The following TMPRSS15 variants were observed in gnomAD, a reference collection of about 807,000 sequenced individuals.
TMPRSS15 encodes the protein transmembrane serine protease 15.
Under a neutral mutation model 125.3 loss-of-function variants are expected in TMPRSS15, and 128 were observed. The observed-to-expected ratio is 1.02, with a 90% CI of 0.89 to 1.18. The LOEUF (loss-of-function observed/expected upper bound fraction) is 1.18, where lower values mean the gene tolerates loss of function less well. TMPRSS15 is among the 50% of genes most tolerant of loss of function. TMPRSS15 has a pLI of 0.00. For missense variants in TMPRSS15, 1,283 were observed against 1,212.7 expected (o/e 1.06, Z -0.86); for synonymous variants, 446 against 423.2 (o/e 1.05, Z -0.66).
At chr21:18,344,162 G>T in intron 10 of TMPRSS15, 102 bp from the exon 11 acceptor site, 1 of 973,262 alleles carries the variant, frequency 1.0e-6, no homozygotes. Context: ...AAGAAGAAAG[G>T]TTAAGGAAAT....
chr21:18,413,316 C>T (rs112286382), intron 1 of TMPRSS15, among the ~76,000 whole-genome samples: 3,730 of 48,558 alleles, frequency 0.077, 186 homozygotes, highest in African/African-American at 0.2. Flanking sequence ...CTTTCTTTTC[C>T]TTCCTTCCTT....
intron 1 of TMPRSS15, among the ~76,000 whole-genome samples, chr21:18,434,791 C>A (rs1370364137): frequency 6.6e-6 from 1 of 151,946 alleles, no homozygotes; most frequent in East Asian, 1.9e-4. Context: ...TATTAAAAGG[C>A]ACTATTAGTT....
chr21:18,359,948 T>C, intron 7 of TMPRSS15, 85 bp from the exon 8 acceptor site: 1 of 703,056 alleles, frequency 1.4e-6, no homozygotes, highest in South Asian at 1.5e-5. Context: ...ATGTGTTTTC[T>C]TGTGGTGAAC....
At chr21:18,271,524 A>T (rs1474050261) in intron 24 of TMPRSS15, among the ~76,000 whole-genome samples, 1 of 152,030 alleles carries the variant, frequency 6.6e-6, no homozygotes, top group African/African-American at 2.4e-5. Context: ...GTCTGTTTCC[A>T]TTACTTCTTG....
chr21:18,315,277 T>C (rs1243593091), intron 16 of TMPRSS15, 21 bp from the exon 17 acceptor site: 5 of 1,581,018 alleles, frequency 3.2e-6, no homozygotes. Context: ...AGAATGTTTA[T>C]TGTATAGGAT....
intron 2 of TMPRSS15, 48 bp from the exon 3 acceptor site, chr21:18,397,994 A>G: frequency 7.4e-7 from 1 of 1,344,376 alleles, no homozygotes; most frequent in South Asian, 1.3e-5. Context: ...TTAGGATTTT[A>G]ACTTTTGTTG....
chr21:18,333,350 C>A (rs982593446), intron 13 of TMPRSS15, among the ~76,000 whole-genome samples: 2 of 152,260 alleles, frequency 1.3e-5, no homozygotes, highest in South Asian at 2.1e-4. Flanking sequence ...TAGTGCACAG[C>A]ACTTCCCTAA....
Position 18,277,912 on chromosome 21 carries a change from C to A in TMPRSS15, c.2764+1052G>T, listed in dbSNP as rs539274296. 2.6e-5 allele frequency among the ~76,000 whole-genome samples: 4 copies of A among 152,160 alleles called. No individual in the cohort carries two copies. The East Asian group carries it at 7.7e-4, about 29-fold the overall frequency. On this transcript the variant is annotated intron_variant, in intron 23 of 24. Transcript: ENST00000284885. ...TATTAGAAATTCCACAGCCAATGAG[C>A]CTTGTGGTTACATTTAGAGGGTATG...
intron 1 of TMPRSS15, among the ~76,000 whole-genome samples, chr21:18,455,155 C>T (rs1042723863): frequency 6.6e-6 from 1 of 152,090 alleles, no homozygotes; most frequent in African/African-American, 2.4e-5. Flanking sequence ...GTTTGCTTCC[C>T]CTTCCACCAT....
At chr21:18,390,108 T>C in intron 3 of TMPRSS15, among the ~76,000 whole-genome samples, 1 of 152,222 alleles carries the variant, frequency 6.6e-6, no homozygotes, top group East Asian at 1.9e-4. Context: ...GCTTTCCTTG[T>C]CTTCTCCACT....
chr21:18,442,143 A>G (rs1404441770), intron 1 of TMPRSS15, among the ~76,000 whole-genome samples: 1 of 152,108 alleles, frequency 6.6e-6, no homozygotes, highest in African/African-American at 2.4e-5. Context: ...ATACTGTTTT[A>G]CTTTAACATC....
rs370110169 is a variant in TMPRSS15, at chr21:18,343,713, T to C, written c.1278-57A>G. 1.0e-5 allele frequency: 16 copies of C among 1,538,364 alleles called. No individual in the cohort carries two copies. The East Asian group carries it at 3.1e-4, about 30-fold the overall frequency. On this transcript the variant is annotated intron_variant, in intron 11 of 24. Transcript: ENST00000284885. ...TCCTACAACATTAGAATAAGTCCTT[T>C]TCAGAGCTTTTCTACATTTTTTACT...
chr21:18,458,142 G>A (rs1978477921), intron 1 of TMPRSS15, among the ~76,000 whole-genome samples: 1 of 152,136 alleles, frequency 6.6e-6, no homozygotes, highest in South Asian at 2.1e-4. Context: ...GGAGGATTGA[G>A]GTTAAGGCGT....
chr21:18,353,354 G>C (rs2075590990), intron 9 of TMPRSS15, among the ~76,000 whole-genome samples: 1 of 151,602 alleles, frequency 6.6e-6, no homozygotes, highest in African/African-American at 2.4e-5. Flanking sequence ...CAGAAACTTT[G>C]TTCCATATTT....
chr21:18,280,665 C>T (rs891588936), intron 22 of TMPRSS15, among the ~76,000 whole-genome samples: 1 of 151,254 alleles, frequency 6.6e-6, no homozygotes, highest in African/African-American at 2.4e-5. Context: ...CCCCACAGAA[C>T]ATGTGTTCTT....
chr21:18,485,583 C>T (rs2123295425), intron 1 of TMPRSS15, among the ~76,000 whole-genome samples: 1 of 152,114 alleles, frequency 6.6e-6, no homozygotes, highest in South Asian at 2.1e-4. Context: ...TTTTCAGCAT[C>T]TGTCAAAATA....
In TMPRSS15 at chr21:18,275,181, A is replaced by T; in HGVS notation, c.2904+16T>A. Reference sequence around the variant, plus strand: ...TGCTTTCTGAAAAGGTACAGTGAGCAGTTTTACATCTTTACCTGACAAGAA... The same window carrying T: ...TGCTTTCTGAAAAGGTACAGTGAGCTGTTTTACATCTTTACCTGACAAGAA... On this transcript the variant is annotated intron_variant, in intron 24 of 24. Transcript: ENST00000284885. 1 of 1,613,420 alleles carries T rather than the reference A, an allele frequency of 6.2e-7. No homozygotes were observed. Among genetic ancestry groups the T allele is most frequent in the Non-Finnish European group, 8.5e-7 (1 of 1,179,824 alleles).
In TMPRSS15 at chr21:18,411,881, C is replaced by G. The variant is rs553897211; in HGVS notation, c.11-13552G>C. Among the ~76,000 whole-genome samples the G allele has an allele frequency of 1.4e-3, 211 of 150,616 alleles. 3 individuals are homozygous for G. The highest frequency in any genetic ancestry group is 1.6e-3 in the Non-Finnish European group (111 of 68,016). On this transcript the variant is annotated intron_variant, in intron 1 of 7. Coordinates refer to the TMPRSS15 transcript ENST00000422787. ...CTTAACTCTTCTGAAGGGAAGAACT[C>G]TATTCATGGCAGTATTCAAAAATAG... is the stretch of plus-strand genomic sequence containing the variant.
chr21:18,449,873 ACACG>A (rs1026973183), intron 1 of TMPRSS15, among the ~76,000 whole-genome samples: 4 of 22,352 alleles, frequency 1.8e-4, no homozygotes, highest in Admixed American at 1.0e-3. Context: ...ACACACACAC[ACACG>A]CACACACACA....
Sources: gnomAD v4.1 joint callset for allele counts (sites outside exome capture counted in the v4.1 genomes callset) on GRCh38, gnomAD v4.1.1 for gene constraint, MANE v1.5 for transcripts, NCBI Gene and HGNC (gene_info 2026-07-23, HGNC 2026-07-21) for gene names.